TDRD3: variants seen among roughly 807,000 people sequenced by gnomAD.
The protein encoded by TDRD3 is tudor domain containing 3, also known as tudor domain-containing protein 3.
Under a neutral mutation model 86.7 loss-of-function variants are expected in TDRD3, and 45 were observed. That is an observed-to-expected ratio of 0.52 (90% CI 0.41 to 0.67). The LOEUF (loss-of-function observed/expected upper bound fraction) is 0.67. TDRD3 is among the 30% of genes least tolerant of loss of function. The pLI is 0.00. For missense variants in TDRD3, 814 were observed against 889.0 expected, an observed-to-expected ratio of 0.92 and a Z score of 1.07; for synonymous variants, 298 against 301.7, an observed-to-expected ratio of 0.99 and a Z score of 0.13.
chr13:60,479,910 C>T (rs547955197), intron 5 of TDRD3, among the ~76,000 whole-genome samples: 8 of 152,094 alleles, frequency 5.3e-5, no homozygotes, highest in African/African-American at 1.9e-4. Flanking sequence ...TGAGATGGGT[C>T]CCTTGGAGAC....
chr13:60,535,269 A>G, intron 12 of TDRD3, 36 bp downstream of exon 12: 1 of 1,566,828 alleles, frequency 6.4e-7, no homozygotes, highest in Non-Finnish European at 8.6e-7. Flanking sequence ...GGCATAAACT[A>G]TTTTGAAGAA....
At chr13:60,424,310 C>T (rs1465090262) in intron 1 of TDRD3, among the ~76,000 whole-genome samples, 2 of 144,062 alleles carry the variant, frequency 1.4e-5, no homozygotes, top group Non-Finnish European at 1.5e-5. Context: ...CGTGAGCCAC[C>T]GCCCCCAGAC....
chr13:60,543,935 A>C (rs540694018), intron 12 of TDRD3, among the ~76,000 whole-genome samples: 13 of 146,564 alleles, frequency 8.9e-5, no homozygotes, highest in Admixed American at 4.1e-4. Flanking sequence ...ATTTATGAAG[A>C]CTCCCATTAT....
intron 1 of TDRD3, among the ~76,000 whole-genome samples, chr13:60,406,119 A>G (rs1954227958): frequency 6.6e-6 from 1 of 152,198 alleles, no homozygotes; most frequent in Non-Finnish European, 1.5e-5. Flanking sequence ...AAGTCATCTA[A>G]AATAAGATGT....
At chr13:60,523,567 ATTTTTCT>A (rs1166851469) in intron 10 of TDRD3, among the ~76,000 whole-genome samples, 1 of 132,208 alleles carries the variant, frequency 7.6e-6, no homozygotes, top group Non-Finnish European at 1.6e-5. Context: ...TTTGCAATAC[ATTTTTCT>A]TTTTTTTTTT....
intron 12 of TDRD3, among the ~76,000 whole-genome samples, chr13:60,562,765 A>T (rs1958365245): frequency 6.6e-6 from 1 of 152,252 alleles, no homozygotes; most frequent in South Asian, 2.1e-4. Flanking sequence ...TTATTAAATT[A>T]TACATAACAT....
At chr13:60,424,954 C>T (rs893573563) in intron 1 of TDRD3, among the ~76,000 whole-genome samples, 4 of 152,094 alleles carry the variant, frequency 2.6e-5, no homozygotes, top group Non-Finnish European at 5.9e-5. Context: ...CATGTTGCTG[C>T]ATGTATCATT....
At chr13:60,559,264 G>A (rs779218341) in intron 12 of TDRD3, among the ~76,000 whole-genome samples, 5 of 152,072 alleles carry the variant, frequency 3.3e-5, no homozygotes, top group South Asian at 2.1e-4. Flanking sequence ...GATTAGTAAC[G>A]TGCCTATGAT....
At chr13:60,418,316 CTG>C in intron 1 of TDRD3, among the ~76,000 whole-genome samples, 1 of 152,180 alleles carries the variant, frequency 6.6e-6, no homozygotes, top group Admixed American at 6.5e-5. Flanking sequence ...TAAAACATAA[CTG>C]TCATCTGTTA....
chr13:60,510,860 A>C, intron 10 of TDRD3, 105 bp downstream of exon 10: 1 of 1,111,602 alleles, frequency 9.0e-7, no homozygotes. Context: ...TTAGAATTGT[A>C]GTGTAAAACA....
chr13:60,509,378 G>T (rs566575790), intron 8 of TDRD3, among the ~76,000 whole-genome samples: 3 of 151,968 alleles, frequency 2.0e-5, no homozygotes, highest in African/African-American at 7.2e-5. Flanking sequence ...GAGAGGTGCT[G>T]TATGAATTAC....
intron 3 of TDRD3, among the ~76,000 whole-genome samples, chr13:60,450,841 T>C (rs561385729): frequency 6.6e-6 from 1 of 152,280 alleles, no homozygotes; most frequent in Non-Finnish European, 1.5e-5. Flanking sequence ...ATTAGGTTGC[T>C]TTTCTTGCTA....
chr13:60,467,200 G>A, intron 4 of TDRD3, 38 bp from the exon 5 acceptor site: 1 of 1,608,800 alleles, frequency 6.2e-7, no homozygotes, highest in Non-Finnish European at 8.5e-7. Flanking sequence ...TGTGTTCTCA[G>A]CTTCAATATG....
intron 1 of TDRD3, among the ~76,000 whole-genome samples, chr13:60,411,672 C>T (rs993263910): frequency 2.6e-5 from 4 of 152,036 alleles, no homozygotes; most frequent in Admixed American, 2.6e-4. Context: ...TTTAAGGACC[C>T]AGGTTCCTTT....
In TDRD3 at chr13:60,397,384, C is replaced by T. The variant is rs1365186465; in HGVS notation, c.20C>T (p.Ala7Val). 3 of 1,496,620 alleles carry T rather than the reference C, an allele frequency of 2.0e-6. No individual in the cohort carries two copies. Among genetic ancestry groups the T allele is most frequent in the Non-Finnish European group, 2.7e-6 (3 of 1,123,444 alleles). The allele number at this position is 1,496,620 out of a possible 1,614,324, so 92.7% of individuals were successfully genotyped here. The change falls in exon 1 of 14, where the codon GCG (alanine) becomes GTG (valine). Residue 7 changes from alanine (A) to valine (V), a missense_variant. Physicochemically the swap from Ala to Val is moderately conservative, Grantham distance 64. Transcript: ENST00000377881. Reference sequence around the variant, plus strand: ...GCTACCATGGCCCAGGTGGCCGGCGCGGCGTTGTCCCAGGCGGGTTGGTAA... The same window carrying T: ...GCTACCATGGCCCAGGTGGCCGGCGTGGCGTTGTCCCAGGCGGGTTGGTAA... MAQVAG[A>V]ALSQAGWYLS... is the part of the protein sequence containing the mutation.
chr13:60,533,353 A>G (rs535671354), intron 11 of TDRD3, among the ~76,000 whole-genome samples: 4 of 152,270 alleles, frequency 2.6e-5, no homozygotes, highest in Non-Finnish European at 4.4e-5. Context: ...AAGAGATACT[A>G]TTATTGGCTG....
chr13:60,470,578 C>T (rs984142074), intron 5 of TDRD3, among the ~76,000 whole-genome samples: 19 of 141,242 alleles, frequency 1.3e-4, no homozygotes, highest in East Asian at 2.1e-4. Flanking sequence ...AATAGAATAT[C>T]ATTATAGTTG....
At chr13:60,410,348 T>C (rs1050441431) in intron 1 of TDRD3, among the ~76,000 whole-genome samples, 2 of 152,068 alleles carry the variant, frequency 1.3e-5, no homozygotes, top group Non-Finnish European at 2.9e-5. Context: ...TGTCATAGAG[T>C]TCAAGTCCAC....
At chr13:60,525,594 AGTCT>A (rs1313898524) in intron 10 of TDRD3, among the ~76,000 whole-genome samples, 1 of 152,212 alleles carries the variant, frequency 6.6e-6, no homozygotes, top group African/African-American at 2.4e-5. Flanking sequence ...TTTATTCTGT[AGTCT>A]AATGTACATC....
Sources: allele counts gnomAD v4.1 joint callset (sites outside exome capture counted in the v4.1 genomes callset), GRCh38; gene constraint gnomAD v4.1.1; transcripts MANE v1.5; gene names NCBI Gene and HGNC (gene_info 2026-07-23, HGNC 2026-07-21).